ANO4: variants seen among roughly 807,000 people sequenced by gnomAD.
ANO4 encodes anoctamin 4.
A neutral mutation model predicts 141.9 loss-of-function variants in ANO4; 69 were observed. The ratio of observed to expected loss-of-function variants is 0.49; its 90% confidence interval spans 0.40 to 0.59. The LOEUF is 0.59. ANO4 is among the 20% of genes least tolerant of loss of function. The pLI is 0.00. For missense variants in ANO4, 894 were observed against 1,162.2 expected (o/e 0.77, Z 3.36); for synonymous variants, 350 against 394.3 (o/e 0.89, Z 1.33).
intron 9 of ANO4, among the ~76,000 whole-genome samples, chr12:101,029,512 A>AT (rs1385066760): frequency 6.6e-6 from 1 of 152,206 alleles, no homozygotes; most frequent in Non-Finnish European, 1.5e-5. Flanking sequence ...AGCAAAAAAA[A>AT]TGCAGGGGTT....
intron 7 of ANO4, among the ~76,000 whole-genome samples, chr12:100,982,507 T>C (rs2044515125): frequency 6.6e-6 from 1 of 152,214 alleles, no homozygotes; most frequent in African/African-American, 2.4e-5. Context: ...ATTTTGAACT[T>C]TTATTGGGAA....
intron 14 of ANO4, among the ~76,000 whole-genome samples, chr12:101,073,017 A>G (rs1158339249): frequency 1.3e-5 from 2 of 152,300 alleles, no homozygotes; most frequent in East Asian, 3.9e-4. Context: ...ATTGTAGAAG[A>G]CAGTGTGGCA....
At chr12:101,032,539 A>C (rs1411754057) in intron 9 of ANO4, among the ~76,000 whole-genome samples, 2 of 152,252 alleles carry the variant, frequency 1.3e-5, no homozygotes, top group Admixed American at 6.5e-5. Flanking sequence ...CAACCCACAA[A>C]GTGGGAGAAA....
At chr12:101,093,616 C>G (rs1350103574) in intron 17 of ANO4, among the ~76,000 whole-genome samples, 1 of 152,098 alleles carries the variant, frequency 6.6e-6, no homozygotes, top group Non-Finnish European at 1.5e-5. Context: ...ACTCTCTGCT[C>G]CTTGGTACAC....
chr12:100,919,704 G>GTA (rs780893335), intron 2 of ANO4, among the ~76,000 whole-genome samples: 6 of 119,664 alleles, frequency 5.0e-5, no homozygotes, highest in African/African-American at 1.7e-4. Flanking sequence ...GTGTGTGTGT[G>GTA]TATGTATGTA....
chr12:101,126,813 C>A, intron 26 of ANO4, 66 bp from the exon 27 acceptor site: 2 of 1,454,658 alleles, frequency 1.4e-6, no homozygotes, highest in African/African-American at 1.4e-5. Context: ...CCTTCTTCAG[C>A]CAACTCTCTA....
intron 26 of ANO4, 147 bp from the exon 27 acceptor site, chr12:101,126,732 C>T (rs915258132): frequency 9.2e-6 from 6 of 654,162 alleles, no homozygotes; most frequent in Non-Finnish European, 1.6e-5. Flanking sequence ...CCTCACCTGT[C>T]CTATCATCTT....
At chr12:100,869,383 T>C (rs1002159148) in intron 1 of ANO4, among the ~76,000 whole-genome samples, 5 of 152,178 alleles carry the variant, frequency 3.3e-5, no homozygotes, top group Non-Finnish European at 7.4e-5. Flanking sequence ...GAATGAGTCC[T>C]GAGGGAATGA....
chr12:100,851,512 A>C (rs1379693364), intron 1 of ANO4, among the ~76,000 whole-genome samples: 2 of 152,170 alleles, frequency 1.3e-5, no homozygotes, highest in East Asian at 3.9e-4. Flanking sequence ...GGGTAAATTT[A>C]AGAATTTATT....
At chr12:100,936,467 C>T (rs1446086042) in intron 3 of ANO4, among the ~76,000 whole-genome samples, 1 of 152,120 alleles carries the variant, frequency 6.6e-6, no homozygotes. Context: ...TTGAGAACCA[C>T]GGACATAGAG....
At position 101,063,745 on chromosome 12, in the gene ANO4, C is replaced by CTTTTTTTTTTTTTTTTTTTTTT; in HGVS notation, c.1312+15356_1312+15377dup. The stretch of plus-strand genomic sequence containing the variant: ...ATGGATGGAAGGTTGTCCAGGTTAT[C>CTTTTTTTTTTTTTTTTTTTTTT]TTTTTTTTTTTTTTTTTTTTTTTTT... On this transcript the variant is annotated intron_variant, in intron 14 of 27. Coordinates refer to ENST00000392977, the MANE Select transcript of ANO4 (RefSeq NM_001286615.2). Among the ~76,000 whole-genome samples, 5 of 24,772 alleles carry CTTTTTTTTTTTTTTTTTTTTTT rather than the reference C, an allele frequency of 2.0e-4. 1 individual carries two copies. Among genetic ancestry groups the CTTTTTTTTTTTTTTTTTTTTTT allele is most frequent in the Non-Finnish European group, 2.7e-4 (4 of 14,944 alleles). The allele number at this position is 24,772 out of a possible 152,430, so 16.3% of individuals were successfully genotyped here. A position where few individuals can be genotyped will look rare whatever the true frequency, so the allele number is the denominator to read the frequency against.
chr12:101,025,989 G>T (rs1035166377), intron 9 of ANO4, among the ~76,000 whole-genome samples: 17 of 152,134 alleles, frequency 1.1e-4, no homozygotes, highest in Non-Finnish European at 1.5e-5. Context: ...ATAAAAGACT[G>T]AATATTTTCC....
chr12:101,055,941 T>C (rs2048098701), intron 14 of ANO4, among the ~76,000 whole-genome samples: 1 of 152,180 alleles, frequency 6.6e-6, no homozygotes, highest in Non-Finnish European at 1.5e-5. Flanking sequence ...TTTTGAATTT[T>C]CTTGGTACAT....
chr12:100,882,738 C>T (rs2039630557), intron 1 of ANO4, among the ~76,000 whole-genome samples: 1 of 151,824 alleles, frequency 6.6e-6, no homozygotes, highest in African/African-American at 2.4e-5. Flanking sequence ...TCTCTCTGTT[C>T]CCCAGGCTGG....
intron 3 of ANO4, among the ~76,000 whole-genome samples, chr12:100,754,829 C>G (rs1449345254): frequency 2.6e-5 from 4 of 152,126 alleles, no homozygotes; most frequent in African/African-American, 9.7e-5. Flanking sequence ...AATACCACAT[C>G]TTGTATGATT....
At position 100,894,976 on chromosome 12, in the gene ANO4, A is replaced by G. The variant is rs543020221; in HGVS notation, c.-140-6670A>G. Among the ~76,000 whole-genome samples the G allele has an allele frequency of 1.4e-3, 213 of 151,086 alleles. 5 individuals carry two copies. The highest frequency in any genetic ancestry group is 4.9e-3 in the African/African-American group (203 of 41,180). On this transcript the variant is annotated intron_variant, in intron 1 of 27. Transcript: ENST00000392977. Reference sequence around the variant, plus strand: ...GCGAGACTCCATCTCAAAAAAAAAAAAAAAAGAAAAAGAAAAGCTCCAGAA... The same window carrying G: ...GCGAGACTCCATCTCAAAAAAAAAAGAAAAAGAAAAAGAAAAGCTCCAGAA...
intron 1 of ANO4, among the ~76,000 whole-genome samples, chr12:100,869,885 C>T (rs2038948344): frequency 6.6e-6 from 1 of 152,294 alleles, no homozygotes; most frequent in Non-Finnish European, 1.5e-5. Flanking sequence ...TCCCCTTCCA[C>T]CTGCATTTCA....
chr12:101,115,085 G>C (rs1340103972), intron 24 of ANO4, among the ~76,000 whole-genome samples: 1 of 152,124 alleles, frequency 6.6e-6, no homozygotes, highest in Non-Finnish European at 1.5e-5. Flanking sequence ...TGCCAGACTT[G>C]TTAATGAAGA....
intron 19 of ANO4, among the ~76,000 whole-genome samples, chr12:101,097,199 C>A (rs1375180057): frequency 6.7e-6 from 1 of 150,102 alleles, no homozygotes; most frequent in African/African-American, 2.5e-5. Flanking sequence ...TGGGAAGGAC[C>A]AGGTATAGGG....
Sources: gnomAD v4.1 joint callset for allele counts (sites outside exome capture counted in the v4.1 genomes callset) on GRCh38, gnomAD v4.1.1 for gene constraint, MANE v1.5 for transcripts, NCBI Gene and HGNC (gene_info 2026-07-23, HGNC 2026-07-21) for gene names.